METTL16: variants seen among roughly 807,000 people sequenced by gnomAD.
METTL16 encodes the protein methyltransferase 16, RNA N6-adenosine.
A neutral mutation model predicts 57.9 loss-of-function variants in METTL16; 19 were observed. That is an observed-to-expected ratio of 0.33 (90% CI 0.23 to 0.48). The LOEUF (loss-of-function observed/expected upper bound fraction) is 0.48. Ranked by LOEUF, METTL16 falls within the 20% of genes least tolerant of loss-of-function variation. The pLI, the probability that METTL16 is intolerant of heterozygous loss-of-function variation, is 0.99. For missense variants in METTL16, 434 were observed against 691.5 expected, an observed-to-expected ratio of 0.63 and a Z score of 4.18; for synonymous variants, 246 against 255.6, an observed-to-expected ratio of 0.96 and a Z score of 0.36.
At chr17:2,510,770 C>T (rs2067581564) in intron 1 of METTL16, among the ~76,000 whole-genome samples, 1 of 151,986 alleles carries the variant, frequency 6.6e-6, no homozygotes, top group African/African-American at 2.4e-5. Flanking sequence ...TCAAGCAATC[C>T]TCCCGCCTGA....
At chr17:2,423,949 A>G (rs2066788815) in intron 8 of METTL16, among the ~76,000 whole-genome samples, 1 of 152,162 alleles carries the variant, frequency 6.6e-6, no homozygotes, top group African/African-American at 2.4e-5. Context: ...ACAACTTATT[A>G]CCCAGTTATC....
chr17:2,494,783 A>G lies in METTL16; in HGVS notation c.128+7421T>C, dbSNP rs565443868. ...GGGAGGCTGAGGCAGGCGAATCATG[A>G]GGTCAGGAGATCGAGACCATCCTGG... On this transcript the variant is annotated intron_variant, in intron 2 of 9. Coordinates refer to ENST00000263092, the MANE Select transcript of METTL16 (RefSeq NM_024086.4). Among the ~76,000 whole-genome samples the G allele has an allele frequency of 1.2e-3, 185 of 151,894 alleles. 1 individual carries two copies. Among genetic ancestry groups the G allele is most frequent in the Non-Finnish European group, 2.3e-3 (153 of 67,936 alleles).
chr17:2,494,122 C>T (rs543298757), intron 2 of METTL16, among the ~76,000 whole-genome samples: 1 of 152,048 alleles, frequency 6.6e-6, no homozygotes, highest in African/African-American at 2.4e-5. Flanking sequence ...CTTGGCTCAC[C>T]GTAACCTCTA....
intron 1 of METTL16, among the ~76,000 whole-genome samples, chr17:2,509,363 G>A (rs1350849216): frequency 6.6e-6 from 1 of 152,032 alleles, no homozygotes; most frequent in Non-Finnish European, 1.5e-5. Context: ...TCCTAGCATT[G>A]ACATACCCTT....
intron 1 of METTL16, among the ~76,000 whole-genome samples, chr17:2,506,160 T>C (rs2067531472): frequency 6.6e-6 from 1 of 152,014 alleles, no homozygotes; most frequent in Non-Finnish European, 1.5e-5. Context: ...TTCTTAGTCA[T>C]TCTTGGGCTC....
At chr17:2,488,757 A>T (rs898235790) in intron 2 of METTL16, among the ~76,000 whole-genome samples, 2 of 152,222 alleles carry the variant, frequency 1.3e-5, no homozygotes, top group Non-Finnish European at 1.5e-5. Flanking sequence ...TCTGCACAAC[A>T]ACAAGCACAG....
intron 6 of METTL16, among the ~76,000 whole-genome samples, chr17:2,459,714 C>T (rs887937909): frequency 1.3e-5 from 2 of 152,084 alleles, no homozygotes; most frequent in African/African-American, 4.8e-5. Context: ...TAAAAATATG[C>T]ATGGGGGCCG....
At chr17:2,505,158 T>TTATA (rs374204937) in intron 1 of METTL16, among the ~76,000 whole-genome samples, 1 of 151,106 alleles carries the variant, frequency 6.6e-6, no homozygotes, top group African/African-American at 2.4e-5. Context: ...TATTTTACTA[T>TTATA]TATATATATA....
At chr17:2,424,337 TCTC>T in intron 8 of METTL16, 1 of 151,418 alleles carries the variant, frequency 6.6e-6, no homozygotes, top group East Asian at 2.0e-4. Flanking sequence ...ATGGTCTCGA[TCTC>T]CTGACCTCGT....
chr17:2,491,781 A>G (rs1671151850), intron 2 of METTL16, among the ~76,000 whole-genome samples: 1 of 148,176 alleles, frequency 6.7e-6, no homozygotes, highest in Admixed American at 6.8e-5. Context: ...AGGCTGAGGC[A>G]GGAGAATGGC....
At chr17:2,487,085 G>A (rs2151573340) in intron 2 of METTL16, among the ~76,000 whole-genome samples, 1 of 150,346 alleles carries the variant, frequency 6.7e-6, no homozygotes, top group South Asian at 2.1e-4. Context: ...AGGAATTAGA[G>A]ATATTTTGGA....
chr17:2,482,535 C>T (rs1422139774), intron 2 of METTL16, among the ~76,000 whole-genome samples: 1 of 152,136 alleles, frequency 6.6e-6, no homozygotes. Context: ...GAGGGAGTGC[C>T]TCAGCTTTTA....
At chr17:2,437,297 GA>G (rs1410944254) in intron 8 of METTL16, among the ~76,000 whole-genome samples, 1 of 152,132 alleles carries the variant, frequency 6.6e-6, no homozygotes, top group Non-Finnish European at 1.5e-5. Context: ...GTGCTAATCT[GA>G]AAGCCAAGAC....
intron 8 of METTL16, among the ~76,000 whole-genome samples, chr17:2,422,312 G>C (rs1015650132): frequency 6.8e-6 from 1 of 146,950 alleles, no homozygotes; most frequent in Non-Finnish European, 1.5e-5. Context: ...CTGGGCCTGG[G>C]CAACAAGAGT....
At chr17:2,466,193 CA>C (rs35300433) in intron 5 of METTL16, among the ~76,000 whole-genome samples, 41,826 of 104,136 alleles carry the variant, frequency 0.4, 6,825 homozygotes, top group African/African-American at 0.51. Flanking sequence ...GACTCTGTCA[CA>C]AAAAAAAAAA....
rs559851094 is a variant in METTL16, at chr17:2,498,055, G to A, written c.128+4149C>T. ...TAAAAATACAAAAAATTAGCAGGGCGTGGTGGCGGGCACCTGTAGTCCCAG... is the reference window on the plus strand; with the variant it reads ...TAAAAATACAAAAAATTAGCAGGGCATGGTGGCGGGCACCTGTAGTCCCAG... On this transcript the variant is annotated intron_variant, in intron 2 of 9. Coordinates refer to ENST00000263092, the MANE Select transcript of METTL16 (RefSeq NM_024086.4). Among the ~76,000 whole-genome samples, 5 of 151,518 alleles carry A rather than the reference G, an allele frequency of 3.3e-5. 1 individual carries two copies. Among genetic ancestry groups the A allele is most frequent in the African/African-American group, 7.3e-5 (3 of 40,950 alleles).
chr17:2,426,445 T>C (rs1439342143), intron 8 of METTL16, among the ~76,000 whole-genome samples: 1 of 151,870 alleles, frequency 6.6e-6, no homozygotes, highest in Non-Finnish European at 1.5e-5. Flanking sequence ...AAAGTAAAAA[T>C]AGCAGCCGGG....
intron 6 of METTL16, among the ~76,000 whole-genome samples, chr17:2,448,727 C>A (rs2067037147): frequency 1.1e-5 from 1 of 93,848 alleles, no homozygotes; most frequent in African/African-American, 4.9e-5. Context: ...GAGAAACACC[C>A]AAGAATGATC....
chr17:2,498,044 A>G (rs2067459170), intron 2 of METTL16, among the ~76,000 whole-genome samples: 1 of 151,532 alleles, frequency 6.6e-6, no homozygotes, highest in Admixed American at 6.6e-5. Flanking sequence ...AATACAAAAA[A>G]TTAGCAGGGC....
Sources: gnomAD v4.1 joint callset for allele counts (sites outside exome capture counted in the v4.1 genomes callset) on GRCh38, gnomAD v4.1.1 for gene constraint, MANE v1.5 for transcripts, NCBI Gene and HGNC (gene_info 2026-07-23, HGNC 2026-07-21) for gene names.